The following CSMD1 variants were observed in gnomAD, a reference collection of about 807,000 sequenced individuals.
CSMD1 encodes CUB and sushi domain-containing protein 1.
In CSMD1, 213 loss-of-function variants were observed where a neutral mutation model predicts 417.5. The ratio of observed to expected loss-of-function variants is 0.51; its 90% CI spans 0.46 to 0.57. The LOEUF (loss-of-function observed/expected upper bound fraction) is 0.57. Among genes scored for constraint, CSMD1 ranks in the 20% least tolerant of loss-of-function variants. The pLI is 0.00. For synonymous variants in CSMD1, 2,862 were observed against 1,736.8 expected (o/e 1.65, Z -16.11); for missense variants, 6,923 against 4,529.7 (o/e 1.53, Z -15.17).
intron 3 of CSMD1, among the ~76,000 whole-genome samples, chr8:4,393,905 T>A (rs184307350): frequency 3.3e-4 from 50 of 152,340 alleles, no homozygotes; most frequent in African/African-American, 1.2e-3. Flanking sequence ...TACCTTTCCA[T>A]CTTAAATCCG....
chr8:4,154,458 G>T (rs967991186), intron 3 of CSMD1, among the ~76,000 whole-genome samples: 1 of 152,066 alleles, frequency 6.6e-6, no homozygotes, highest in Non-Finnish European at 1.5e-5. Flanking sequence ...AAAATCAATG[G>T]GTATCTGTGG....
chr8:4,748,981 C>G (rs945173420), intron 1 of CSMD1, among the ~76,000 whole-genome samples: 2 of 152,222 alleles, frequency 1.3e-5, no homozygotes, highest in Non-Finnish European at 2.9e-5. Flanking sequence ...TTCTAAGCTA[C>G]TGGCATTAAT....
At chr8:4,147,877 C>A (rs1379397831) in intron 3 of CSMD1, among the ~76,000 whole-genome samples, 1 of 152,068 alleles carries the variant, frequency 6.6e-6, no homozygotes, top group Non-Finnish European at 1.5e-5. Context: ...TTCATGGAAT[C>A]AGGGGCTGCA....
At chr8:3,760,297 G>A (rs1797921167) in intron 5 of CSMD1, among the ~76,000 whole-genome samples, 1 of 152,104 alleles carries the variant, frequency 6.6e-6, no homozygotes, top group African/African-American at 2.4e-5. Context: ...ACCAAATTAA[G>A]CAATTTAAAG....
chr8:4,373,229 A>G (rs914232815), intron 3 of CSMD1, among the ~76,000 whole-genome samples: 2 of 152,094 alleles, frequency 1.3e-5, no homozygotes, highest in African/African-American at 4.8e-5. Context: ...CTGAGAAACT[A>G]CCCCAGCCAA....
chr8:3,663,288 T>C (rs1585037823), intron 7 of CSMD1, among the ~76,000 whole-genome samples: 1 of 151,810 alleles, frequency 6.6e-6, no homozygotes, highest in South Asian at 2.1e-4. Context: ...CAGACAGGGG[T>C]GGGATGTGGG....
At chr8:4,295,649 A>C (rs553408995) in intron 3 of CSMD1, among the ~76,000 whole-genome samples, 158 of 145,178 alleles carry the variant, frequency 1.1e-3, no homozygotes, top group African/African-American at 3.6e-3. Context: ...ATAATATATA[A>C]AAATATAATC....
rs1212424197 is a variant in CSMD1 at position 3,597,975 on chromosome 8, T to TA, written c.1098-11716dup. ...CGTTGTGCACATGTACCCCAGAACT[T>TA]AAGGTATATTAAAAAGTTTTTCTTT... On this transcript the variant is annotated intron_variant, in intron 8 of 69. Transcript: ENST00000635120. 2.0e-5 allele frequency among the ~76,000 whole-genome samples: 3 copies of TA among 152,188 alleles called. No individual in the cohort carries two copies. In the East Asian group the frequency reaches 5.8e-4, roughly 29 times the overall value.
chr8:3,868,920 G>C (rs1024405403), intron 5 of CSMD1, among the ~76,000 whole-genome samples: 2 of 152,004 alleles, frequency 1.3e-5, no homozygotes, highest in South Asian at 4.2e-4. Flanking sequence ...ATCCTCCCTG[G>C]CTAACACCCC....
At chr8:3,544,522 T>C (rs959418313) in intron 10 of CSMD1, among the ~76,000 whole-genome samples, 1 of 152,172 alleles carries the variant, frequency 6.6e-6, no homozygotes, top group Non-Finnish European at 1.5e-5. Context: ...CCTTTGCTTT[T>C]GCACTGTGGA....
chr8:4,957,703 T>C (rs1486340610), intron 1 of CSMD1, among the ~76,000 whole-genome samples: 1 of 152,206 alleles, frequency 6.6e-6, no homozygotes, highest in African/African-American at 2.4e-5. Context: ...TAAGATTTTT[T>C]GTTTGTTTCT....
chr8:3,407,189 T>C (rs192218053), intron 14 of CSMD1, among the ~76,000 whole-genome samples: 6 of 146,818 alleles, frequency 4.1e-5, no homozygotes, highest in Non-Finnish European at 6.0e-5. Flanking sequence ...TGGAAGGATA[T>C]GGATGAATGG....
intron 3 of CSMD1, among the ~76,000 whole-genome samples, chr8:4,222,991 T>A (rs1046833403): frequency 6.6e-6 from 1 of 152,066 alleles, no homozygotes; most frequent in Non-Finnish European, 1.5e-5. Context: ...GAAGTTAGAT[T>A]AAAGCAAATA....
intron 1 of CSMD1, among the ~76,000 whole-genome samples, chr8:4,763,353 T>C (rs906445524): frequency 6.6e-5 from 10 of 152,202 alleles, no homozygotes; most frequent in Non-Finnish European, 1.2e-4. Flanking sequence ...AGATTTCCTA[T>C]TGCATTCACA....
intron 7 of CSMD1, among the ~76,000 whole-genome samples, chr8:3,696,971 G>C (rs1356069010): frequency 2.0e-5 from 3 of 152,164 alleles, no homozygotes; most frequent in African/African-American, 7.2e-5. Context: ...GTTTGGGACT[G>C]TAGATCGTAG....
rs996678983 is a variant in CSMD1 at position 3,367,121 on chromosome 8, T to G, written c.3026A>C (p.Lys1009Thr). ...LTGSVLPHTI[K>T]AGLFGNFTAQ... Reference sequence around the variant, plus strand: ...AGTGAAGTTTCCAAACAGGCCTGCCTTGATCGTATGAGGCAACACCGACCC... The same window carrying G: ...AGTGAAGTTTCCAAACAGGCCTGCCGTGATCGTATGAGGCAACACCGACCC... The change falls in exon 20 of 70, where the codon AAG becomes ACG. Residue 1009 changes from lysine (K) to threonine (T), a missense_variant. Transcript: ENST00000635120. 2 of 1,613,718 alleles carry G rather than the reference T, an allele frequency of 1.2e-6. No individual in the cohort carries two copies. The highest frequency in any genetic ancestry group is 1.7e-6 in the Non-Finnish European group (2 of 1,179,846).
chr8:3,703,941 C>T (rs1432930624), intron 7 of CSMD1, among the ~76,000 whole-genome samples: 3 of 151,956 alleles, frequency 2.0e-5, no homozygotes, highest in Admixed American at 1.3e-4. Flanking sequence ...CATGGTGGCA[C>T]ACACCTGTAC....
At chr8:4,003,411 A>AC (rs1554513229) in intron 4 of CSMD1, among the ~76,000 whole-genome samples, 11 of 129,710 alleles carry the variant, frequency 8.5e-5, no homozygotes, top group African/African-American at 3.0e-4. Context: ...AACAAACAAA[A>AC]AAACAAACAA....
intron 2 of CSMD1, among the ~76,000 whole-genome samples, chr8:4,526,828 G>A (rs1585204278): frequency 6.6e-6 from 1 of 151,874 alleles, no homozygotes; most frequent in African/African-American, 2.4e-5. Context: ...AAATTTAATC[G>A]ACAAATGTTT....
Sources: gnomAD v4.1 joint callset for allele counts (sites outside exome capture counted in the v4.1 genomes callset) on GRCh38, gnomAD v4.1.1 for gene constraint, MANE v1.5 for transcripts, NCBI Gene and HGNC (gene_info 2026-07-23, HGNC 2026-07-21) for gene names.